Variants in DAB1 observed in about 807,000 individuals in gnomAD.
The protein encoded by DAB1 is disabled homolog 1.
In DAB1, 15 loss-of-function variants were observed where a neutral mutation model predicts 64.6. That is an observed-to-expected ratio of 0.23 (90% CI 0.16 to 0.36). DAB1 has a LOEUF of 0.36. Among genes scored for constraint, DAB1 ranks in the 10% least tolerant of loss-of-function variants. The pLI is 1.00. For missense variants in DAB1, 596 were observed against 706.7 expected, an observed-to-expected ratio of 0.84 and a Z score of 1.78; for synonymous variants, 235 against 251.9, an observed-to-expected ratio of 0.93 and a Z score of 0.64.
intron 4 of DAB1, among the ~76,000 whole-genome samples, chr1:58,180,281 CTTTTTTTTTTTTTTTTT>C (rs869204611): frequency 4.6e-4 from 28 of 61,036 alleles, no homozygotes; most frequent in Admixed American, 9.8e-4. Flanking sequence ...TTTTTCTTTT[CTTTTTTTTTTTTTTTTT>C]TTTTTTTTTT....
chr1:57,685,134 A>T (rs1424571497), intron 6 of DAB1, among the ~76,000 whole-genome samples: 1 of 151,574 alleles, frequency 6.6e-6, no homozygotes, highest in East Asian at 2.0e-4. Context: ...TTCTATTTTT[A>T]GTAGAGACGG....
chr1:57,393,083 G>A (rs1325954819), intron 1 of DAB1, among the ~76,000 whole-genome samples: 1 of 152,106 alleles, frequency 6.6e-6, no homozygotes, highest in Non-Finnish European at 1.5e-5. Context: ...ACAACATGAT[G>A]TTTTGATATA....
intron 4 of DAB1, among the ~76,000 whole-genome samples, chr1:58,232,927 CTATT>C (rs919090309): frequency 1.3e-5 from 2 of 152,150 alleles, no homozygotes; most frequent in Non-Finnish European, 2.9e-5. Flanking sequence ...ACTATGTTAT[CTATT>C]TATTATCTAT....
At chr1:58,351,607 C>A (rs1033686065) in intron 3 of DAB1, among the ~76,000 whole-genome samples, 3 of 151,680 alleles carry the variant, frequency 2.0e-5, no homozygotes, top group Non-Finnish European at 4.4e-5. Context: ...GTCTCAGTTT[C>A]CTCATTGGTA....
At chr1:57,136,514 T>C in intron 4 of DAB1, 29 bp downstream of exon 4, 1 of 1,344,360 alleles carries the variant, frequency 7.4e-7, no homozygotes. Flanking sequence ...GGATAAAATT[T>C]CACAATGCCA....
At chr1:57,636,355 T>C (rs1334453175) in intron 7 of DAB1, among the ~76,000 whole-genome samples, 4 of 152,150 alleles carry the variant, frequency 2.6e-5, no homozygotes, top group Non-Finnish European at 5.9e-5. Context: ...CAGTCTGTGG[T>C]ATTTTGTTAT....
At chr1:58,337,472 G>C (rs1557734712) in intron 4 of DAB1, among the ~76,000 whole-genome samples, 3 of 152,084 alleles carry the variant, frequency 2.0e-5, no homozygotes, top group African/African-American at 7.2e-5. Context: ...ATGTTATTTG[G>C]AATAAATCAT....
At chr1:58,372,954 T>C (rs1644280893) in intron 3 of DAB1, among the ~76,000 whole-genome samples, 1 of 152,102 alleles carries the variant, frequency 6.6e-6, no homozygotes, top group Admixed American at 6.6e-5. Flanking sequence ...TCTATAGCAA[T>C]GTGAAAATGG....
intron 4 of DAB1, among the ~76,000 whole-genome samples, chr1:58,245,600 G>A (rs1660492636): frequency 1.3e-5 from 2 of 152,138 alleles, no homozygotes; most frequent in South Asian, 4.1e-4. Flanking sequence ...ACAAAATGAA[G>A]GAGATCTGGG....
Position 57,174,658 on chromosome 1 carries a change from C to T in DAB1, c.68-29229G>A, listed in dbSNP as rs959852680. 9.9e-5 allele frequency among the ~76,000 whole-genome samples: 15 copies of T among 152,124 alleles called. No individual in the cohort carries two copies. The East Asian group carries it at 2.5e-3, about 25-fold the overall frequency. ...TCTGAACAGCTCTGTAGGTGAAGTACAGGAGAAGGTCTGTTAGGCTCACCA... is the reference window on the plus strand; with the variant it reads ...TCTGAACAGCTCTGTAGGTGAAGTATAGGAGAAGGTCTGTTAGGCTCACCA... On this transcript the variant is annotated intron_variant, in intron 2 of 14. Coordinates refer to ENST00000371236, the MANE Select transcript of DAB1 (RefSeq NM_001365792.1).
At chr1:57,931,681 G>T (rs1644954723) in intron 5 of DAB1, among the ~76,000 whole-genome samples, 1 of 152,134 alleles carries the variant, frequency 6.6e-6, no homozygotes, top group Admixed American at 6.5e-5. Context: ...ATGTCCATGG[G>T]ATTCTAGTGA....
chr1:57,943,138 A>C (rs192630862), intron 5 of DAB1, among the ~76,000 whole-genome samples: 3 of 152,268 alleles, frequency 2.0e-5, no homozygotes, highest in African/African-American at 7.2e-5. Context: ...ACCAACATGA[A>C]AACCTGCTGC....
chr1:58,327,959 G>A (rs1662876941), intron 4 of DAB1, among the ~76,000 whole-genome samples: 1 of 152,140 alleles, frequency 6.6e-6, no homozygotes, highest in South Asian at 2.1e-4. Context: ...GTTCCTTAGG[G>A]TCCCTCCACC....
intron 5 of DAB1, among the ~76,000 whole-genome samples, chr1:57,995,450 C>G (rs1646409919): frequency 6.6e-6 from 1 of 151,924 alleles, no homozygotes; most frequent in East Asian, 1.9e-4. Flanking sequence ...TTAATCAATG[C>G]AAAAAAATTT....
intron 1 of DAB1, among the ~76,000 whole-genome samples, chr1:57,330,129 T>A (rs1015337442): frequency 6.6e-5 from 10 of 152,224 alleles, no homozygotes; most frequent in Admixed American, 5.9e-4. Flanking sequence ...TCAAGTCATC[T>A]TCCTTCACTT....
chr1:57,852,899 T>C (rs1415215817), intron 1 of DAB1, among the ~76,000 whole-genome samples: 2 of 152,172 alleles, frequency 1.3e-5, no homozygotes, highest in Admixed American at 6.5e-5. Context: ...CTCAGGGACC[T>C]AGAAAGGTGA....
chr1:57,102,196 TTC>T (rs1654739786), intron 4 of DAB1, among the ~76,000 whole-genome samples: 1 of 152,164 alleles, frequency 6.6e-6, no homozygotes, highest in African/African-American at 2.4e-5. Context: ...TCTTCTCTCT[TTC>T]TCTGTCTCTG....
intron 5 of DAB1, among the ~76,000 whole-genome samples, chr1:57,982,933 G>T (rs777726029): frequency 1.3e-5 from 2 of 152,084 alleles, no homozygotes; most frequent in Admixed American, 1.3e-4. Flanking sequence ...TAGGTATTGC[G>T]GTTCTACTTT....
intron 4 of DAB1, among the ~76,000 whole-genome samples, chr1:58,275,660 T>C (rs957211343): frequency 3.3e-5 from 5 of 151,970 alleles, no homozygotes; most frequent in Non-Finnish European, 7.4e-5. Flanking sequence ...AAACAAAAAA[T>C]AAAACAAATT....
Sources: allele counts gnomAD v4.1 joint callset (sites outside exome capture counted in the v4.1 genomes callset), GRCh38; gene constraint gnomAD v4.1.1; transcripts MANE v1.5; gene names NCBI Gene and HGNC (gene_info 2026-07-23, HGNC 2026-07-21).